Variants in RBFOX1 observed in about 807,000 individuals in gnomAD.
RBFOX1 encodes the protein RNA binding fox-1 homolog 1.
Under a neutral mutation model 57.7 loss-of-function variants are expected in RBFOX1, and 8 were observed. The ratio of observed to expected loss-of-function variants is 0.14; its 90% confidence interval spans 0.08 to 0.25. The LOEUF is 0.25. Among genes scored for constraint, RBFOX1 ranks in the 10% least tolerant of loss-of-function variants. The pLI, the probability that RBFOX1 is intolerant of heterozygous loss-of-function variation, is 1.00. For missense variants in RBFOX1, 611 were observed against 548.5 expected (o/e 1.11, Z -1.14); for synonymous variants, 326 against 222.4 (o/e 1.47, Z -4.15).
At chr16:5,283,044 A>G (rs2063309685) in intron 1 of RBFOX1, among the ~76,000 whole-genome samples, 1 of 152,148 alleles carries the variant, frequency 6.6e-6, no homozygotes, top group African/African-American at 2.4e-5. Context: ...AGTCCTAGCC[A>G]CTCCAGCTGC....
intron 3 of RBFOX1, among the ~76,000 whole-genome samples, chr16:5,715,928 G>A (rs981631142): frequency 2.0e-5 from 3 of 152,128 alleles, no homozygotes; most frequent in Non-Finnish European, 4.4e-5. Flanking sequence ...AATCATCACA[G>A]CATAGTTGTA....
intron 3 of RBFOX1, among the ~76,000 whole-genome samples, chr16:6,756,515 G>T (rs1310387751): frequency 6.6e-6 from 1 of 152,086 alleles, no homozygotes; most frequent in Admixed American, 6.6e-5. Context: ...AACAATGAAT[G>T]CAGCAAAGAG....
In RBFOX1 at chr16:6,227,871, C is replaced by T. The variant is rs931569870; in HGVS notation, c.-126-89124C>T. 6.6e-5 allele frequency among the ~76,000 whole-genome samples: 10 copies of T among 152,180 alleles called. No individual in the cohort carries two copies. In the East Asian group the frequency reaches 1.7e-3, roughly 26 times the overall value. On this transcript the variant is annotated intron_variant, in intron 1 of 15. Coordinates refer to ENST00000550418, the MANE Select transcript of RBFOX1 (RefSeq NM_018723.4). The stretch of plus-strand genomic sequence containing the variant: ...TTATTTTAACAAAAGGAGAGGTAAA[C>T]AGTAGGGAGGTTCCTCAAAAAATTA...
At chr16:7,652,079 G>C (rs184225430) in intron 11 of RBFOX1, among the ~76,000 whole-genome samples, 1 of 151,240 alleles carries the variant, frequency 6.6e-6, no homozygotes, top group East Asian at 2.0e-4. Context: ...GGTAACCGGG[G>C]TAACCATCAG....
chr16:6,111,037 G>T (rs2096440916), intron 1 of RBFOX1, among the ~76,000 whole-genome samples: 1 of 152,130 alleles, frequency 6.6e-6, no homozygotes, highest in African/African-American at 2.4e-5. Flanking sequence ...ATTCTCATGG[G>T]TTATACAGGG....
chr16:7,508,315 C>T (rs551899916), intron 4 of RBFOX1, among the ~76,000 whole-genome samples: 46 of 152,238 alleles, frequency 3.0e-4, no homozygotes, highest in African/African-American at 1.1e-3. Flanking sequence ...GTATTTTCTG[C>T]GTTATTCCCT....
At chr16:6,184,327 G>A (rs960514878) in intron 1 of RBFOX1, among the ~76,000 whole-genome samples, 1 of 152,102 alleles carries the variant, frequency 6.6e-6, no homozygotes, top group African/African-American at 2.4e-5. Context: ...AAATACTCTG[G>A]CTGCTGGGTG....
At chr16:7,040,239 T>C (rs2045740239) in intron 3 of RBFOX1, among the ~76,000 whole-genome samples, 1 of 152,042 alleles carries the variant, frequency 6.6e-6, no homozygotes, top group African/African-American at 2.4e-5. Context: ...CAGGATGGTC[T>C]CGATCTCTTG....
intron 1 of RBFOX1, among the ~76,000 whole-genome samples, chr16:5,461,754 A>T (rs1197319156): frequency 6.6e-6 from 1 of 152,164 alleles, no homozygotes; most frequent in Non-Finnish European, 1.5e-5. Context: ...GGCAGGGTGG[A>T]TGGATGGCCC....
chr16:6,825,694 C>G (rs952852887), intron 3 of RBFOX1, among the ~76,000 whole-genome samples: 50 of 152,076 alleles, frequency 3.3e-4, no homozygotes, highest in African/African-American at 1.2e-3. Flanking sequence ...AAGGAAAGAA[C>G]CTAGTAGCAG....
intron 3 of RBFOX1, among the ~76,000 whole-genome samples, chr16:5,816,606 A>G (rs1380474092): frequency 6.6e-6 from 1 of 152,160 alleles, no homozygotes; most frequent in Non-Finnish European, 1.5e-5. Flanking sequence ...CAACATAGTT[A>G]AACTTCGTTT....
intron 1 of RBFOX1, among the ~76,000 whole-genome samples, chr16:5,435,597 A>T (rs2067892387): frequency 6.6e-6 from 1 of 152,128 alleles, no homozygotes; most frequent in Non-Finnish European, 1.5e-5. Flanking sequence ...GGTGGGACCC[A>T]GGAGGGCCAC....
rs532901416 is a variant in RBFOX1 at position 5,586,845 on chromosome 16, C to A, written c.259-12057C>A. On this transcript the variant is annotated intron_variant, in intron 2 of 2. Transcript: ENST00000585867. The stretch of plus-strand genomic sequence containing the variant: ...TAAGGAGAGTGAGGAGCTGAGGTAG[C>A]ATTGATGAGGTTTGGACCAGGACAG... Among the ~76,000 whole-genome samples, 3 of 152,274 alleles carry A rather than the reference C, an allele frequency of 2.0e-5. No homozygotes were observed. The East Asian group carries it at 5.8e-4, about 29-fold the overall frequency.
chr16:6,841,181 C>G (rs1267554265), intron 3 of RBFOX1, among the ~76,000 whole-genome samples: 5 of 151,952 alleles, frequency 3.3e-5, no homozygotes, highest in Non-Finnish European at 7.4e-5. Flanking sequence ...CCTGAACAGA[C>G]TAAGACAATG....
At chr16:7,019,527 TCTC>T (rs1206931361) in intron 3 of RBFOX1, among the ~76,000 whole-genome samples, 2 of 152,176 alleles carry the variant, frequency 1.3e-5, no homozygotes, top group Non-Finnish European at 2.9e-5. Context: ...TGGTCCTCTC[TCTC>T]CTCTTGTTTG....
intron 3 of RBFOX1, among the ~76,000 whole-genome samples, chr16:5,790,604 C>T (rs1401531114): frequency 2.0e-5 from 3 of 151,954 alleles, no homozygotes; most frequent in African/African-American, 4.8e-5. Context: ...GGGTTTGATC[C>T]TGGGCCTACC....
At chr16:5,987,853 C>A (rs1354043411) in intron 4 of RBFOX1, among the ~76,000 whole-genome samples, 2 of 152,218 alleles carry the variant, frequency 1.3e-5, no homozygotes, top group Admixed American at 6.5e-5. Flanking sequence ...TGACACCCAG[C>A]TAAGCACTTT....
chr16:6,791,652 G>T (rs376799735), intron 3 of RBFOX1, among the ~76,000 whole-genome samples: 1 of 152,104 alleles, frequency 6.6e-6, no homozygotes, highest in Non-Finnish European at 1.5e-5. Flanking sequence ...CCAGCTACTC[G>T]GGAGGCTGAG....
At chr16:6,065,397 C>G (rs1371825752) in intron 1 of RBFOX1, among the ~76,000 whole-genome samples, 1 of 152,036 alleles carries the variant, frequency 6.6e-6, no homozygotes, top group Admixed American at 6.6e-5. Context: ...CTGGTGGTCA[C>G]AGTTTCAGTG....
Sources: gnomAD v4.1 joint callset for allele counts (sites outside exome capture counted in the v4.1 genomes callset) on GRCh38, gnomAD v4.1.1 for gene constraint, MANE v1.5 for transcripts, NCBI Gene and HGNC (gene_info 2026-07-23, HGNC 2026-07-21) for gene names.